Variants in MTUS2 observed in about 807,000 individuals in gnomAD.
The protein encoded by MTUS2 is microtubule-associated tumor suppressor candidate 2.
MTUS2 carries 40 observed loss-of-function variants against 114.1 expected under a neutral mutation model. That is an observed-to-expected ratio of 0.35 (90% CI 0.27 to 0.46). The LOEUF (loss-of-function observed/expected upper bound fraction) is 0.46, where lower values mean the gene tolerates loss of function less well. Ranked by LOEUF, MTUS2 falls within the 20% of genes least tolerant of loss-of-function variation. The pLI, the probability that MTUS2 is intolerant of heterozygous loss-of-function variation, is 1.00. For missense variants in MTUS2, 1,679 were observed against 1,705.4 expected (o/e 0.98, Z 0.27); for synonymous variants, 688 against 672.0 (o/e 1.02, Z -0.37).
At chr13:28,890,611 T>C (rs773204111) in intron 2 of MTUS2, among the ~76,000 whole-genome samples, 38 of 152,244 alleles carry the variant, frequency 2.5e-4, no homozygotes, top group Non-Finnish European at 3.8e-4. Flanking sequence ...TTCTTAGTTA[T>C]ATATTTTTAT....
At chr13:28,905,686 G>A (rs1251829027) in intron 2 of MTUS2, among the ~76,000 whole-genome samples, 2 of 151,548 alleles carry the variant, frequency 1.3e-5, no homozygotes, top group South Asian at 2.1e-4. Context: ...TTGCATCAAT[G>A]TTCATCAAGG....
intron 9 of MTUS2, among the ~76,000 whole-genome samples, chr13:29,449,577 G>A (rs533737262): frequency 7.9e-5 from 12 of 152,082 alleles, no homozygotes; most frequent in South Asian, 4.1e-4. Flanking sequence ...TCCTAACAGC[G>A]TACAGCTGGT....
intron 7 of MTUS2, among the ~76,000 whole-genome samples, chr13:29,336,498 G>A (rs1023173153): frequency 6.6e-6 from 1 of 151,036 alleles, no homozygotes; most frequent in African/African-American, 2.4e-5. Flanking sequence ...ATTGCTGCCT[G>A]TTCCTTCCTC....
At chr13:29,157,705 G>T (rs946752893) in intron 5 of MTUS2, among the ~76,000 whole-genome samples, 1 of 152,088 alleles carries the variant, frequency 6.6e-6, no homozygotes, top group Non-Finnish European at 1.5e-5. Flanking sequence ...CACTAAGTCA[G>T]AATCACCAAA....
At chr13:28,854,396 T>C (rs1876491633) in intron 2 of MTUS2, among the ~76,000 whole-genome samples, 1 of 152,192 alleles carries the variant, frequency 6.6e-6, no homozygotes, top group Non-Finnish European at 1.5e-5. Flanking sequence ...GAGATTCTGT[T>C]CCCACATCTG....
chr13:29,431,848 TG>T (rs1877009419), intron 8 of MTUS2, among the ~76,000 whole-genome samples: 1 of 151,918 alleles, frequency 6.6e-6, no homozygotes, highest in Non-Finnish European at 1.5e-5. Context: ...ATTTGTTTTT[TG>T]TTTTGTTTTG....
chr13:29,446,060 C>G (rs1373248017), intron 9 of MTUS2, among the ~76,000 whole-genome samples: 1 of 152,068 alleles, frequency 6.6e-6, no homozygotes, highest in African/African-American at 2.4e-5. Flanking sequence ...AAACAGGGAC[C>G]CTACCCTAAG....
intron 2 of MTUS2, among the ~76,000 whole-genome samples, chr13:28,934,440 G>A (rs1447608651): frequency 6.6e-6 from 1 of 151,966 alleles, no homozygotes; most frequent in Non-Finnish European, 1.5e-5. Context: ...TGGTGAATAT[G>A]CTGTGTGATT....
At chr13:29,019,263 G>A (rs1886196829) in intron 2 of MTUS2, among the ~76,000 whole-genome samples, 1 of 152,112 alleles carries the variant, frequency 6.6e-6, no homozygotes, top group South Asian at 2.1e-4. Context: ...CTGATCAGAT[G>A]AGCATTGTGG....
chr13:29,312,605 T>A (rs985734950), intron 6 of MTUS2, among the ~76,000 whole-genome samples: 1 of 152,186 alleles, frequency 6.6e-6, no homozygotes, highest in Non-Finnish European at 1.5e-5. Context: ...ATAATCCAGA[T>A]CATTTCTTTT....
At chr13:28,937,604 GAC>G (rs554634159) in intron 2 of MTUS2, among the ~76,000 whole-genome samples, 179 of 152,246 alleles carry the variant, frequency 1.2e-3, no homozygotes, top group African/African-American at 4.1e-3. Context: ...ACCAACTCTG[GAC>G]ACAGTTTCAC....
intron 2 of MTUS2, among the ~76,000 whole-genome samples, chr13:28,854,551 C>T (rs1876501007): frequency 1.3e-5 from 2 of 152,166 alleles, no homozygotes; most frequent in Non-Finnish European, 2.9e-5. Context: ...GATAGCTCTT[C>T]TCTATCTTTG....
At chr13:28,865,001 A>T (rs1402445496) in intron 2 of MTUS2, among the ~76,000 whole-genome samples, 1 of 152,124 alleles carries the variant, frequency 6.6e-6, no homozygotes, top group Non-Finnish European at 1.5e-5. Context: ...TGTACTTTTG[A>T]CTTAAAGTTT....
At chr13:29,295,608 C>A (rs1490978358) in intron 6 of MTUS2, among the ~76,000 whole-genome samples, 1 of 152,128 alleles carries the variant, frequency 6.6e-6, no homozygotes, top group Non-Finnish European at 1.5e-5. Flanking sequence ...GAATGTTGTT[C>A]TTTTTTATGG....
chr13:28,820,415 C>T lies in MTUS2; in HGVS notation c.-512C>T, dbSNP rs1370283453. Reference sequence around the variant, plus strand: ...TCCACCTGCGCCGCCGCCGCCGGCTCTCAGGGCAAGTTTATCTCCCCCCTT... The same window carrying T: ...TCCACCTGCGCCGCCGCCGCCGGCTTTCAGGGCAAGTTTATCTCCCCCCTT... On this transcript the variant is annotated 5_prime_UTR_variant, in exon 1 of 16. Transcript: ENST00000612955. The T allele has an allele frequency of 6.6e-6, 1 of 152,048 alleles. No individual in the cohort carries two copies. Among genetic ancestry groups the T allele is most frequent in the Non-Finnish European group, 1.5e-5 (1 of 68,054 alleles). 9.4% of individuals were successfully genotyped at this position (152,048 alleles called of 1,614,324 possible).
intron 4 of MTUS2, among the ~76,000 whole-genome samples, chr13:29,048,274 C>T (rs1179076348): frequency 6.6e-6 from 1 of 152,150 alleles, no homozygotes; most frequent in Non-Finnish European, 1.5e-5. Context: ...CCTCTAGCTT[C>T]TTAAACATAT....
rs530996837 is a variant in MTUS2, at chr13:29,405,585, G to A, written c.3118-34398G>A. ...AGACTTGGCATGTTTGGTAGTGAGA[G>A]AGCAGAGTCGCCCACTGCACGTTTG... On this transcript the variant is annotated intron_variant, in intron 8 of 15. Transcript: ENST00000612955. 1.1e-4 allele frequency among the ~76,000 whole-genome samples: 17 copies of A among 152,290 alleles called. No individual in the cohort carries two copies. The East Asian group carries it at 1.7e-3, about 16-fold the overall frequency.
intron 8 of MTUS2, among the ~76,000 whole-genome samples, chr13:29,421,651 A>T (rs1876117169): frequency 6.6e-6 from 1 of 152,230 alleles, no homozygotes. Context: ...CATAGCAAGG[A>T]GGCTGTGATA....
intron 9 of MTUS2, among the ~76,000 whole-genome samples, chr13:29,461,923 GCCTGGGGGAGGGATT>G (rs999320188): frequency 2.0e-5 from 3 of 152,188 alleles, no homozygotes; most frequent in African/African-American, 7.2e-5. Context: ...ATGTCTCTGA[GCCTGGGGGAGGGATT>G]CCAGGGGCTC....
Sources: gnomAD v4.1 joint callset for allele counts (sites outside exome capture counted in the v4.1 genomes callset) on GRCh38, gnomAD v4.1.1 for gene constraint, MANE v1.5 for transcripts, NCBI Gene and HGNC (gene_info 2026-07-23, HGNC 2026-07-21) for gene names.